Variants in SDK1 observed in about 807,000 individuals in gnomAD.
SDK1 encodes the protein sidekick cell adhesion molecule 1.
SDK1 carries 157 observed loss-of-function variants against 245.5 expected under a neutral mutation model. The ratio of observed to expected loss-of-function variants is 0.64; its 90% confidence interval spans 0.56 to 0.73. The LOEUF (loss-of-function observed/expected upper bound fraction) is 0.73. Ranked by LOEUF, SDK1 falls within the 30% of genes least tolerant of loss-of-function variation. The pLI, the probability that SDK1 is intolerant of heterozygous loss-of-function variation, is 0.00. For synonymous variants in SDK1, 1,647 were observed against 1,278.5 expected (o/e 1.29, Z -6.15); for missense variants, 3,583 against 3,002.3 (o/e 1.19, Z -4.52).
At chr7:3,580,047 C>G (rs1056651080) in intron 1 of SDK1, among the ~76,000 whole-genome samples, 1 of 152,112 alleles carries the variant, frequency 6.6e-6, no homozygotes. Context: ...TCTCAATAGC[C>G]ACAAACATAA....
intron 5 of SDK1, among the ~76,000 whole-genome samples, chr7:3,912,774 G>T (rs184036768): frequency 3.5e-4 from 53 of 152,382 alleles, no homozygotes; most frequent in African/African-American, 1.2e-3. Flanking sequence ...GGAAGAGGAA[G>T]GAGACCTAAG....
rs543317832 is a variant in SDK1, at chr7:4,191,936, G to C, written c.5098+13350G>C. On this transcript the variant is annotated intron_variant, in intron 35 of 44. Coordinates refer to ENST00000404826, the MANE Select transcript of SDK1 (RefSeq NM_152744.4). ...GTGCACCAGAACAGCAGATTTGAAA[G>C]GGCTTTGACGGCAGTTTCCGACCCC... 8.5e-5 allele frequency among the ~76,000 whole-genome samples: 13 copies of C among 152,318 alleles called. No homozygotes were observed. In the South Asian group the frequency reaches 2.1e-3, roughly 24 times the overall value.
At chr7:3,476,957 A>G (rs1311162038) in intron 1 of SDK1, among the ~76,000 whole-genome samples, 1 of 152,190 alleles carries the variant, frequency 6.6e-6, no homozygotes, top group African/African-American at 2.4e-5. Context: ...GAGACTCTGT[A>G]GGCGTGAGGG....
chr7:3,447,648 T>C (rs1780382108), intron 1 of SDK1, among the ~76,000 whole-genome samples: 1 of 152,096 alleles, frequency 6.6e-6, no homozygotes, highest in Admixed American at 6.6e-5. Flanking sequence ...GAGGTATTGT[T>C]TTTTGTTTCT....
chr7:4,006,621 G>T (rs943401838), intron 14 of SDK1, among the ~76,000 whole-genome samples: 1 of 152,258 alleles, frequency 6.6e-6, no homozygotes, highest in Non-Finnish European at 1.5e-5. Flanking sequence ...GTATGAATCA[G>T]GGTGCCCAGA....
intron 5 of SDK1, among the ~76,000 whole-genome samples, chr7:3,943,063 C>T (rs1465406852): frequency 2.0e-5 from 3 of 152,168 alleles, no homozygotes; most frequent in Non-Finnish European, 2.9e-5. Context: ...GAGGCGTATT[C>T]GCCAGGAGCA....
At chr7:3,554,038 A>T (rs185078464) in intron 1 of SDK1, among the ~76,000 whole-genome samples, 1 of 152,210 alleles carries the variant, frequency 6.6e-6, no homozygotes, top group African/African-American at 2.4e-5. Context: ...CTAAGCCTAA[A>T]CAGGGTGACT....
intron 17 of SDK1, among the ~76,000 whole-genome samples, chr7:4,024,195 T>C (rs62439612): frequency 6.6e-6 from 1 of 152,178 alleles, no homozygotes; most frequent in South Asian, 2.1e-4. Context: ...GGAAAAAACA[T>C]TTGGTTATCC....
rs912562157 is a variant in SDK1, at chr7:4,227,539, A to G, written c.5828-5716A>G. ...ATACAAAAAGAAATGGCAGTATTTA[A>G]GAAATAAACAACTGACAGGCTTGCA... On this transcript the variant is annotated intron_variant, in intron 40 of 44. Coordinates refer to ENST00000404826, the MANE Select transcript of SDK1 (RefSeq NM_152744.4). 15 of 447,350 alleles carry G rather than the reference A, an allele frequency of 3.4e-5. No homozygotes were observed. The Admixed American group carries it at 3.7e-4, about 11-fold the overall frequency. 27.7% of individuals were successfully genotyped at this position (447,350 alleles called of 1,614,324 possible). A position where few individuals can be genotyped will look rare whatever the true frequency, so the allele number is the denominator to read the frequency against.
intron 2 of SDK1, among the ~76,000 whole-genome samples, chr7:3,631,332 G>A (rs1373796196): frequency 6.6e-6 from 1 of 152,136 alleles, no homozygotes; most frequent in East Asian, 1.9e-4. Context: ...TCTTTTCTCA[G>A]TTGGTTTCCT....
At position 3,396,174 on chromosome 7, in the gene SDK1, A is replaced by T. The variant is rs1562461480; in HGVS notation, c.298+94290A>T. Among the ~76,000 whole-genome samples, 2 of 151,898 alleles carry T rather than the reference A, an allele frequency of 1.3e-5. 1 individual carries two copies. Among genetic ancestry groups the T allele is most frequent in the Non-Finnish European group, 2.9e-5 (2 of 67,838 alleles). ...GTATTTCTATTATTCAGATTAAAAT[A>T]CTTGCTCATTCCCCCTTGTAATTTT... On this transcript the variant is annotated intron_variant, in intron 1 of 44. Coordinates refer to ENST00000404826, the MANE Select transcript of SDK1 (RefSeq NM_152744.4).
chr7:4,030,409 C>T (rs1055711598), intron 17 of SDK1, among the ~76,000 whole-genome samples: 1 of 152,126 alleles, frequency 6.6e-6, no homozygotes, highest in Non-Finnish European at 1.5e-5. Context: ...TGATGTACAC[C>T]CTGCACGAGT....
chr7:3,376,282 A>C (rs1371344614), intron 1 of SDK1, among the ~76,000 whole-genome samples: 1 of 152,206 alleles, frequency 6.6e-6, no homozygotes, highest in African/African-American at 2.4e-5. Flanking sequence ...GAAAAATTTT[A>C]AACTTTTGGG....
chr7:3,456,053 T>A (rs1280494288), intron 1 of SDK1, among the ~76,000 whole-genome samples: 1 of 152,232 alleles, frequency 6.6e-6, no homozygotes, highest in Non-Finnish European at 1.5e-5. Context: ...AAAAATGTGT[T>A]GAAAACCTTC....
chr7:3,776,231 T>G (rs17133808), intron 4 of SDK1, among the ~76,000 whole-genome samples: 3,500 of 152,314 alleles, frequency 0.023, 99 homozygotes, highest in African/African-American at 0.068. Flanking sequence ...GAGAGAAACT[T>G]GTAAGCAGAC....
At chr7:4,197,801 T>G (rs1783669954) in intron 35 of SDK1, among the ~76,000 whole-genome samples, 1 of 152,210 alleles carries the variant, frequency 6.6e-6, no homozygotes, top group Admixed American at 6.5e-5. Flanking sequence ...GACCTTCAGA[T>G]GTGGGAGGAC....
intron 1 of SDK1, among the ~76,000 whole-genome samples, chr7:3,313,225 G>A (rs1262775055): frequency 6.6e-6 from 1 of 152,156 alleles, no homozygotes; most frequent in Admixed American, 6.5e-5. Flanking sequence ...TGACCAACAT[G>A]GTGAAATGCC....
chr7:4,208,159 C>T lies in SDK1; in HGVS notation c.5275C>T (p.Pro1759Ser), dbSNP rs764689164. ...ETEKMKVLFL[P>S]EPVVRLKNLT... ...GGAGAAAATGAAGGTCCTCTTCCTC[C>T]CCGAGCCCGTGGTGAGGCTGAAGAA... The change falls in exon 37 of 45, where the codon CCC becomes TCC. Residue 1759 changes from proline (P) to serine (S), a missense_variant. Physicochemically the swap from Pro to Ser is moderately conservative, Grantham distance 74. Coordinates refer to ENST00000404826, the MANE Select transcript of SDK1 (RefSeq NM_152744.4). 8 of 1,614,036 alleles carry T rather than the reference C, an allele frequency of 5.0e-6. No individual in the cohort carries two copies. The highest frequency in any genetic ancestry group is 6.8e-6 in the Non-Finnish European group (8 of 1,179,960).
chr7:3,348,196 G>A (rs945729781), intron 1 of SDK1, among the ~76,000 whole-genome samples: 6 of 152,052 alleles, frequency 3.9e-5, no homozygotes, highest in African/African-American at 1.2e-4. Context: ...TTACTGCTTG[G>A]GTTTGATTCT....
Sources: allele counts gnomAD v4.1 joint callset (sites outside exome capture counted in the v4.1 genomes callset), GRCh38; gene constraint gnomAD v4.1.1; transcripts MANE v1.5; gene names NCBI Gene and HGNC (gene_info 2026-07-23, HGNC 2026-07-21).